The following PRTFDC1 variants were observed in gnomAD, a reference collection of about 807,000 sequenced individuals.
PRTFDC1 encodes the protein phosphoribosyltransferase domain-containing protein 1.
PRTFDC1 carries 38 observed loss-of-function variants against 34.6 expected under a neutral mutation model. The ratio of observed to expected loss-of-function variants is 1.10; its 90% CI spans 0.85 to 1.44. PRTFDC1 has a LOEUF of 1.44. Among genes scored for constraint, PRTFDC1 ranks in the 40% most tolerant of loss-of-function variants. The pLI is 0.00. For synonymous variants in PRTFDC1, 93 were observed against 98.1 expected, an observed-to-expected ratio of 0.95 and a Z score of 0.31; for missense variants, 270 against 283.0, an observed-to-expected ratio of 0.95 and a Z score of 0.33.
At chr10:24,865,837 G>A (rs1285127792) in intron 4 of PRTFDC1, among the ~76,000 whole-genome samples, 1 of 152,148 alleles carries the variant, frequency 6.6e-6, no homozygotes, top group Non-Finnish European at 1.5e-5. Context: ...AGCTGTATTG[G>A]GGATATGGAG....
chr10:24,869,488 A>C (rs1847840971), intron 4 of PRTFDC1, among the ~76,000 whole-genome samples: 1 of 152,212 alleles, frequency 6.6e-6, no homozygotes, highest in South Asian at 2.1e-4. Flanking sequence ...CTCCACAAAC[A>C]ATACATTGCC....
At chr10:24,884,584 G>A (rs571114223) in intron 3 of PRTFDC1, among the ~76,000 whole-genome samples, 223 of 152,318 alleles carry the variant, frequency 1.5e-3, no homozygotes, top group Non-Finnish European at 2.2e-3. Flanking sequence ...GACATTTATT[G>A]TTGCTGTTTT....
At chr10:24,925,742 T>C (rs899888849) in intron 3 of PRTFDC1, among the ~76,000 whole-genome samples, 1 of 152,156 alleles carries the variant, frequency 6.6e-6, no homozygotes, top group Non-Finnish European at 1.5e-5. Flanking sequence ...TCCAGCTTCC[T>C]CCCTCCTAAC....
intron 3 of PRTFDC1, among the ~76,000 whole-genome samples, chr10:24,883,825 T>TC (rs1848120304): frequency 6.7e-6 from 1 of 148,930 alleles, no homozygotes; most frequent in East Asian, 2.0e-4. Flanking sequence ...GACCTTTTTT[T>TC]TTTTTTTTTT....
rs200179383 is a variant in PRTFDC1, at chr10:24,949,715, G to GTTTA, written c.48+2809_48+2812dup. ...GGTCCAGTTTATACTCATTTTTTTT[G>GTTTA]TTTATTTATTTATTTATTTATTTAT... On this transcript the variant is annotated intron_variant, in intron 1 of 8. Transcript: ENST00000320152. 8.3e-4 allele frequency among the ~76,000 whole-genome samples: 120 copies of GTTTA among 144,142 alleles called. 1 individual carries two copies. The highest frequency in any genetic ancestry group is 1.9e-3 in the Admixed American group (27 of 14,512). The allele number at this position is 144,142 out of a possible 152,430, so 94.6% of individuals were successfully genotyped here. A position where few individuals can be genotyped will look rare whatever the true frequency, so the allele number is the denominator to read the frequency against.
intron 3 of PRTFDC1, among the ~76,000 whole-genome samples, chr10:24,872,864 G>A (rs1847901480): frequency 6.9e-6 from 1 of 144,098 alleles, no homozygotes; most frequent in African/African-American, 2.6e-5. Context: ...CTGAAGTGCA[G>A]TGGGGTGATC....
At chr10:24,862,259 T>A (rs1283885433) in intron 4 of PRTFDC1, among the ~76,000 whole-genome samples, 6 of 152,244 alleles carry the variant, frequency 3.9e-5, no homozygotes, top group African/African-American at 1.4e-4. Flanking sequence ...ATTTCCCCAG[T>A]TGTCCTTAAA....
At chr10:24,932,032 T>C (rs1461197289) in intron 3 of PRTFDC1, among the ~76,000 whole-genome samples, 1 of 151,978 alleles carries the variant, frequency 6.6e-6, no homozygotes, top group East Asian at 1.9e-4. Context: ...GTCATTATAT[T>C]ACATTAATGG....
intron 3 of PRTFDC1, among the ~76,000 whole-genome samples, chr10:24,921,593 G>A (rs899341372): frequency 4.0e-5 from 6 of 151,840 alleles, no homozygotes; most frequent in East Asian, 1.9e-4. Flanking sequence ...TCTCTGTGGC[G>A]TGGGCTGTGG....
intron 3 of PRTFDC1, chr10:24,908,700 C>A: frequency 6.3e-7 from 1 of 1,575,578 alleles, no homozygotes; most frequent in Admixed American, 1.8e-5. Flanking sequence ...GGGAGAGACA[C>A]ACATGGAGCA....
At chr10:24,866,389 A>C (rs1430209669) in intron 4 of PRTFDC1, among the ~76,000 whole-genome samples, 3 of 151,668 alleles carry the variant, frequency 2.0e-5, no homozygotes, top group Non-Finnish European at 4.4e-5. Context: ...AAGAAAAAAA[A>C]ACTTATTTGA....
At chr10:24,904,056 T>C (rs1049923739) in intron 3 of PRTFDC1, among the ~76,000 whole-genome samples, 30 of 152,256 alleles carry the variant, frequency 2.0e-4, no homozygotes, top group African/African-American at 7.2e-4. Flanking sequence ...TTATTCCTTC[T>C]TGGCCTTGTT....
chr10:24,929,807 C>CT lies in PRTFDC1; in HGVS notation c.339+7376_339+7377insA, dbSNP rs544754783. Among the ~76,000 whole-genome samples the CT allele has an allele frequency of 1.3e-4, 20 of 152,278 alleles. No individual in the cohort carries two copies. The South Asian group carries it at 3.7e-3, about 28-fold the overall frequency. On this transcript the variant is annotated intron_variant, in intron 3 of 8. Coordinates refer to ENST00000320152, the MANE Select transcript of PRTFDC1 (RefSeq NM_020200.7). Reference sequence around the variant, plus strand: ...AGCTGTCTAAAAAGTCACTTGCTGGCACCTAACAATACTTCCCTCAAATCC... The same window carrying CT: ...AGCTGTCTAAAAAGTCACTTGCTGGCTACCTAACAATACTTCCCTCAAATCC...
At chr10:24,862,131 G>T (rs1847689448) in intron 4 of PRTFDC1, among the ~76,000 whole-genome samples, 1 of 151,938 alleles carries the variant, frequency 6.6e-6, no homozygotes, top group Admixed American at 6.6e-5. Flanking sequence ...ATTTTTATGT[G>T]CTTTAAAATA....
At position 24,856,939 on chromosome 10, in the gene PRTFDC1, GT is replaced by G; in HGVS notation, c.479del (p.Tyr160SerfsTer5). ...MKALLSNIEK[Y>X]KPNMIKVASL... is the part of the protein sequence containing the mutation. ...TGGCTACCTTAATCATGTTGGGCTT[GT>G]ATTTCTCTATATTGCTGAGTAGTGC... On this transcript the variant is annotated frameshift_variant, in exon 6 of 9. Transcript: ENST00000320152. LOFTEE classifies it high-confidence loss of function. The G allele has an allele frequency of 6.2e-7, 1 of 1,613,518 alleles. No homozygotes were observed. Among genetic ancestry groups the G allele is most frequent in the Non-Finnish European group, 8.5e-7 (1 of 1,179,458 alleles).
chr10:24,908,951 A>C (rs17522290), intron 3 of PRTFDC1: 1 of 378,634 alleles, frequency 2.6e-6, no homozygotes, highest in Non-Finnish European at 4.7e-6. Context: ...TAAACAAGGC[A>C]TCCAACCTTT....
chr10:24,915,251 TG>T (rs1418082707), intron 3 of PRTFDC1, among the ~76,000 whole-genome samples: 1 of 152,216 alleles, frequency 6.6e-6, no homozygotes, highest in Non-Finnish European at 1.5e-5. Flanking sequence ...TTTGTGTTTA[TG>T]GTTTCCATAT....
At chr10:24,886,324 A>C (rs1848162675) in intron 3 of PRTFDC1, among the ~76,000 whole-genome samples, 1 of 152,222 alleles carries the variant, frequency 6.6e-6, no homozygotes, top group African/African-American at 2.4e-5. Context: ...TGAGACAAGG[A>C]ACAGGTACTG....
rs369636319 is a variant in PRTFDC1, at chr10:24,952,397, C to T, written c.48+131G>A. The T allele has an allele frequency of 1.0e-5, 11 of 1,091,832 alleles. No individual in the cohort carries two copies. The East Asian group carries it at 1.6e-4, about 16-fold the overall frequency. 67.6% of individuals were successfully genotyped at this position (1,091,832 alleles called of 1,614,324 possible). On this transcript the variant is annotated intron_variant, in intron 1 of 8. Coordinates refer to ENST00000320152, the MANE Select transcript of PRTFDC1 (RefSeq NM_020200.7). The surrounding 1 kb of genome is among the most constrained non-coding windows in gnomAD (Gnocchi z 5.1). Reference sequence around the variant, plus strand: ...GCCCGGGTCCGAGGATGGAAGCGATCCCCGCCGGGAGGGAGAACAAAGCGG... The same window carrying T: ...GCCCGGGTCCGAGGATGGAAGCGATTCCCGCCGGGAGGGAGAACAAAGCGG...
Sources: gnomAD v4.1 joint callset for allele counts (sites outside exome capture counted in the v4.1 genomes callset) on GRCh38, gnomAD v4.1.1 for gene constraint, Gnocchi (gnomAD v3.1) non-coding constraint, MANE v1.5 for transcripts, NCBI Gene and HGNC (gene_info 2026-07-23, HGNC 2026-07-21) for gene names.